RARB: variants seen among roughly 807,000 people sequenced by gnomAD.
RARB encodes retinoic acid receptor beta.
A neutral mutation model predicts 51.9 loss-of-function variants in RARB; 17 were observed. The observed-to-expected ratio is 0.33, with a 90% CI of 0.22 to 0.49. The LOEUF is 0.49. Ranked by LOEUF, RARB falls within the 20% of genes least tolerant of loss-of-function variation. The probability of loss-of-function intolerance (pLI) is 0.99; values close to 1 mark genes in which losing one functional copy is unlikely to be tolerated. For synonymous variants in RARB, 215 were observed against 195.4 expected, an observed-to-expected ratio of 1.10 and a Z score of -0.84; for missense variants, 369 against 550.8, an observed-to-expected ratio of 0.67 and a Z score of 3.30.
intron 1 of RARB, among the ~76,000 whole-genome samples, chr3:24,848,165 T>A (rs1003029879): frequency 6.6e-6 from 1 of 152,152 alleles, no homozygotes; most frequent in African/African-American, 2.4e-5. Flanking sequence ...GCTCAAAGGA[T>A]CCTCCCACCT....
intron 1 of RARB, among the ~76,000 whole-genome samples, chr3:24,853,679 C>T (rs1373875336): frequency 6.6e-6 from 1 of 152,180 alleles, no homozygotes; most frequent in Non-Finnish European, 1.5e-5. Flanking sequence ...TCACTTTAGC[C>T]ATTAAACTTC....
chr3:25,444,813 G>GACTCACA (rs1192531913), intron 1 of RARB, among the ~76,000 whole-genome samples: 1 of 152,214 alleles, frequency 6.6e-6, no homozygotes, highest in Non-Finnish European at 1.5e-5. Flanking sequence ...TCCGGTAGAT[G>GACTCACA]TGTGAGTCAG....
chr3:25,460,870 TTAG>T (rs1469243565), intron 1 of RARB, among the ~76,000 whole-genome samples: 1 of 152,220 alleles, frequency 6.6e-6, no homozygotes, highest in Non-Finnish European at 1.5e-5. Flanking sequence ...TCTGCTGGTC[TTAG>T]TTAGACAAGT....
intron 5 of RARB, among the ~76,000 whole-genome samples, chr3:25,391,922 T>C (rs1241460693): frequency 6.6e-6 from 1 of 152,236 alleles, no homozygotes; most frequent in Non-Finnish European, 1.5e-5. Context: ...ATCTTTGTTT[T>C]TATTGCATTT....
At chr3:24,872,128 C>G (rs1702960115) in intron 2 of RARB, among the ~76,000 whole-genome samples, 1 of 152,162 alleles carries the variant, frequency 6.6e-6, no homozygotes, top group African/African-American at 2.4e-5. Context: ...AAGCCAGAAT[C>G]CTTAGAATGG....
intron 5 of RARB, among the ~76,000 whole-genome samples, chr3:25,234,998 C>T (rs1407086270): frequency 6.6e-6 from 1 of 152,110 alleles, no homozygotes; most frequent in African/African-American, 2.4e-5. Flanking sequence ...CCAGTTACTT[C>T]CCCTGCAACT....
At chr3:24,985,870 G>A (rs890130872) in intron 2 of RARB, among the ~76,000 whole-genome samples, 4 of 152,202 alleles carry the variant, frequency 2.6e-5, no homozygotes, top group Admixed American at 6.5e-5. Context: ...TCAGTATCCT[G>A]CTGCAGTCCC....
At chr3:24,995,742 T>C (rs1697007241) in intron 2 of RARB, among the ~76,000 whole-genome samples, 1 of 152,062 alleles carries the variant, frequency 6.6e-6, no homozygotes, top group Non-Finnish European at 1.5e-5. Context: ...TTTTGTACTT[T>C]ATTGATGTGA....
At chr3:25,541,212 C>T (rs1215564227) in intron 3 of RARB, among the ~76,000 whole-genome samples, 2 of 152,180 alleles carry the variant, frequency 1.3e-5, no homozygotes, top group East Asian at 3.9e-4. Context: ...TTGATAAATC[C>T]ATTGATTTAG....
intron 5 of RARB, among the ~76,000 whole-genome samples, chr3:25,591,872 T>C (rs1224563036): frequency 6.6e-6 from 1 of 152,200 alleles, no homozygotes; most frequent in Admixed American, 6.5e-5. Flanking sequence ...GGGAGAAGGC[T>C]GGCTCCTAGG....
At chr3:25,237,875 C>A (rs1702340182) in intron 5 of RARB, among the ~76,000 whole-genome samples, 1 of 152,022 alleles carries the variant, frequency 6.6e-6, no homozygotes, top group African/African-American at 2.4e-5. Flanking sequence ...TCTGTTGTGA[C>A]TGGCTTCTTT....
At chr3:25,114,105 CT>C (rs1310450504) in intron 3 of RARB, among the ~76,000 whole-genome samples, 3 of 152,178 alleles carry the variant, frequency 2.0e-5, no homozygotes, top group African/African-American at 4.8e-5. Flanking sequence ...TTGCATCATC[CT>C]CACTATTTGT....
At chr3:25,118,254 A>G (rs1205683861) in intron 3 of RARB, among the ~76,000 whole-genome samples, 2 of 152,144 alleles carry the variant, frequency 1.3e-5, no homozygotes, top group Non-Finnish European at 2.9e-5. Flanking sequence ...CAGTACATCT[A>G]CCAAGATAAA....
chr3:24,886,223 T>A (rs1259491686), intron 2 of RARB, among the ~76,000 whole-genome samples: 2 of 152,170 alleles, frequency 1.3e-5, no homozygotes, highest in African/African-American at 4.8e-5. Flanking sequence ...GGCTTTATAG[T>A]TGCTTTGTAG....
intron 2 of RARB, among the ~76,000 whole-genome samples, chr3:25,042,171 G>T (rs1321590825): frequency 1.3e-5 from 2 of 152,092 alleles, no homozygotes; most frequent in African/African-American, 4.8e-5. Flanking sequence ...CTGGATATCT[G>T]GTTGTTTATT....
chr3:25,080,448 G>C (rs185126650), intron 3 of RARB, among the ~76,000 whole-genome samples: 1 of 152,304 alleles, frequency 6.6e-6, no homozygotes, highest in East Asian at 1.9e-4. Context: ...TAGAATGGCT[G>C]GAATGTATGG....
chr3:25,392,042 T>C (rs951952272), intron 5 of RARB, among the ~76,000 whole-genome samples: 1 of 152,236 alleles, frequency 6.6e-6, no homozygotes, highest in Non-Finnish European at 1.5e-5. Context: ...TTTAAGTCCT[T>C]AATCCATCTT....
At chr3:24,955,825 G>T (rs747260143) in intron 2 of RARB, among the ~76,000 whole-genome samples, 1 of 152,076 alleles carries the variant, frequency 6.6e-6, no homozygotes, top group Non-Finnish European at 1.5e-5. Context: ...CAGGAATAAA[G>T]GTGGTCGTCT....
chr3:24,935,362 T>C (rs1003372356), intron 2 of RARB, among the ~76,000 whole-genome samples: 1 of 152,096 alleles, frequency 6.6e-6, no homozygotes, highest in Admixed American at 6.6e-5. Flanking sequence ...CAGAAATCTT[T>C]AAAACCCACA....
Sources: allele counts gnomAD v4.1 joint callset (sites outside exome capture counted in the v4.1 genomes callset), GRCh38; gene constraint gnomAD v4.1.1; transcripts MANE v1.5; gene names NCBI Gene and HGNC (gene_info 2026-07-23, HGNC 2026-07-21).